SLC38A6: variants seen among roughly 807,000 people sequenced by gnomAD.
SLC38A6 encodes N system amino acid transporter NAT-1.
A neutral mutation model predicts 65.0 loss-of-function variants in SLC38A6; 73 were observed. The observed-to-expected ratio is 1.12, with a 90% CI of 0.93 to 1.37. The LOEUF is 1.37. Among genes scored for constraint, SLC38A6 ranks in the 40% most tolerant of loss-of-function variants. The probability of loss-of-function intolerance (pLI) is 0.00; values close to 1 mark genes in which losing one functional copy is unlikely to be tolerated. For missense variants in SLC38A6, 561 were observed against 531.1 expected (o/e 1.06, Z -0.55); for synonymous variants, 183 against 178.8 (o/e 1.02, Z -0.19).
chr14:61,051,506 T>G (rs1346889704), intron 13 of SLC38A6, among the ~76,000 whole-genome samples: 2 of 152,150 alleles, frequency 1.3e-5, no homozygotes, highest in Non-Finnish European at 2.9e-5. Context: ...TTTCATATTT[T>G]TATTGTTGGT....
chr14:61,067,097 A>C (rs1594781615), intron 15 of SLC38A6, among the ~76,000 whole-genome samples: 1 of 152,228 alleles, frequency 6.6e-6, no homozygotes, highest in Non-Finnish European at 1.5e-5. Flanking sequence ...ATGTATTTTT[A>C]ATATATACAT....
At chr14:60,993,493 A>C (rs146475607) in intron 3 of SLC38A6, among the ~76,000 whole-genome samples, 8 of 152,190 alleles carry the variant, frequency 5.3e-5, no homozygotes, top group African/African-American at 1.7e-4. Context: ...ACCTTACTGA[A>C]AACAGGGAGA....
chr14:60,994,704 CAA>C (rs113876678), intron 3 of SLC38A6, among the ~76,000 whole-genome samples: 23 of 93,020 alleles, frequency 2.5e-4, no homozygotes, highest in South Asian at 3.4e-4. Flanking sequence ...AACCTCGTCT[CAA>C]AAAAAAAAAA....
chr14:61,069,790 A>G (rs897096290), intron 15 of SLC38A6, among the ~76,000 whole-genome samples: 4 of 152,110 alleles, frequency 2.6e-5, no homozygotes, highest in Admixed American at 2.0e-4. Context: ...CATGGTACAG[A>G]TTTTAAATTT....
At chr14:60,992,867 T>TTTTG (rs2038013091) in intron 3 of SLC38A6, among the ~76,000 whole-genome samples, 1 of 151,308 alleles carries the variant, frequency 6.6e-6, no homozygotes, top group Non-Finnish European at 1.5e-5. Context: ...TTTTTTTTTT[T>TTTTG]GAGGCAGTCT....
chr14:61,054,030 C>T (rs543592685), downstream of SLC38A6, among the ~76,000 whole-genome samples: 1 of 152,078 alleles, frequency 6.6e-6, no homozygotes, highest in East Asian at 1.9e-4. Context: ...GTCTTTAATC[C>T]ATCTTGAGTT....
intron 3 of SLC38A6, among the ~76,000 whole-genome samples, chr14:60,998,399 G>A (rs542497408): frequency 5.3e-5 from 8 of 152,076 alleles, no homozygotes; most frequent in Non-Finnish European, 7.4e-5. Context: ...GTGTTTGAAC[G>A]TCAAGGAGAG....
In SLC38A6 at chr14:61,050,546, TA is replaced by T. The variant is rs1566710847; in HGVS notation, c.963del (p.Lys321AsnfsTer10). On this transcript the variant is annotated frameshift_variant, in exon 13 of 16. Transcript: ENST00000267488. LOFTEE classifies it high-confidence loss of function. ...AGTCAGAATTACTAAAAGGTTATAG[TA>T]AATACTTATCACATGATGTTGTTGT... ...VESELLKGYS[K>X]YLSHDVVVMT... The T allele has an allele frequency of 6.3e-7, 1 of 1,580,158 alleles. No homozygotes were observed. The highest frequency in any genetic ancestry group is 8.7e-7 in the Non-Finnish European group (1 of 1,155,094).
chr14:61,009,807 G>A (rs2039419949), intron 3 of SLC38A6, among the ~76,000 whole-genome samples: 1 of 152,222 alleles, frequency 6.6e-6, no homozygotes, highest in Non-Finnish European at 1.5e-5. Flanking sequence ...TTGGTTCCAA[G>A]TCTTTGCTAT....
intron 12 of SLC38A6, among the ~76,000 whole-genome samples, chr14:61,046,994 A>G (rs2042189659): frequency 1.3e-5 from 2 of 152,182 alleles, no homozygotes; most frequent in Non-Finnish European, 2.9e-5. Flanking sequence ...TAGTTTTTAT[A>G]CAGACTTGAA....
In SLC38A6 at chr14:60,984,799, G is replaced by T. The variant is rs2139675290; in HGVS notation, c.306G>T (p.Gln102His). Residue 102 changes from glutamine to histidine, a missense_variant, in exon 3 of 16, where the codon CAG becomes CAT. Gln to His is a conservative substitution (Grantham distance 24). Transcript: ENST00000267488. ...SVHLLLSMCIQTAVTSYEDLG... is the reference protein window; with the variant it reads ...SVHLLLSMCIHTAVTSYEDLG... Reference sequence around the variant, plus strand: ...ATCTTCTGCTTAGTATGTGTATTCAGACAGGTGAGTAAAAATGTTATGCTG... The same window carrying T: ...ATCTTCTGCTTAGTATGTGTATTCATACAGGTGAGTAAAAATGTTATGCTG... 1 of 1,613,504 alleles carries T rather than the reference G, an allele frequency of 6.2e-7. No individual in the cohort carries two copies. The highest frequency in any genetic ancestry group is 8.5e-7 in the Non-Finnish European group (1 of 1,179,590).
chr14:61,039,116 G>A (rs1427511854), intron 8 of SLC38A6, among the ~76,000 whole-genome samples: 2 of 152,096 alleles, frequency 1.3e-5, no homozygotes, highest in Non-Finnish European at 2.9e-5. Flanking sequence ...GCTTAAAGCA[G>A]GTTAAATGTA....
chr14:61,067,264 C>G (rs1566728173), intron 15 of SLC38A6, among the ~76,000 whole-genome samples: 1 of 152,110 alleles, frequency 6.6e-6, no homozygotes, highest in African/African-American at 2.4e-5. Context: ...AGAGGAAACT[C>G]TCCTTCAAGT....
intron 8 of SLC38A6, among the ~76,000 whole-genome samples, chr14:61,038,210 TG>T (rs1162389353): frequency 6.6e-6 from 1 of 152,078 alleles, no homozygotes; most frequent in African/African-American, 2.4e-5. Context: ...TCTTCACATG[TG>T]GGATATATTC....
At chr14:60,991,325 A>G (rs1187623005) in intron 3 of SLC38A6, among the ~76,000 whole-genome samples, 3 of 152,182 alleles carry the variant, frequency 2.0e-5, no homozygotes, top group Non-Finnish European at 4.4e-5. Context: ...CTTATGTAAC[A>G]TATACTTATA....
intron 15 of SLC38A6, among the ~76,000 whole-genome samples, chr14:61,071,928 G>A (rs535130794): frequency 2.0e-5 from 3 of 152,248 alleles, no homozygotes; most frequent in Non-Finnish European, 2.9e-5. Flanking sequence ...CATGAGTGGC[G>A]TTTCTGATGA....
intron 15 of SLC38A6, among the ~76,000 whole-genome samples, chr14:61,076,647 T>TA (rs1267678512): frequency 6.6e-6 from 1 of 152,240 alleles, no homozygotes; most frequent in Admixed American, 6.5e-5. Context: ...AGCAGATACA[T>TA]AGTCAATATT....
In SLC38A6 at chr14:61,037,140, A is replaced by G. The variant is rs989399093; in HGVS notation, c.564A>G (p.Ile188Met). Residue 188 changes from isoleucine to methionine, a missense_variant and splice_region_variant, in exon 7 of 16, where the codon ATA becomes ATG. Physicochemically the swap from Ile to Met is conservative, Grantham distance 10 (BLOSUM62 1). Transcript: ENST00000267488. ...IVFPLALLPK[I>M]GFLGYTSSLS... ...TCCCTCTTGCACTTCTTCCCAAAAT[A>G]GGTAAGTCTTTATAGAGCACATTAT... 1.9e-6 allele frequency: 3 copies of G among 1,594,518 alleles called. No individual in the cohort carries two copies. The highest frequency in any genetic ancestry group is 1.7e-5 in the Admixed American group (1 of 58,746).
chr14:61,071,562 G>C (rs529911506), intron 15 of SLC38A6, among the ~76,000 whole-genome samples: 1 of 152,052 alleles, frequency 6.6e-6, no homozygotes, highest in South Asian at 2.1e-4. Context: ...TGTGGCCATA[G>C]TCCGAGCTAC....
Sources: allele counts gnomAD v4.1 joint callset (sites outside exome capture counted in the v4.1 genomes callset), GRCh38; gene constraint gnomAD v4.1.1; transcripts MANE v1.5; gene names NCBI Gene and HGNC (gene_info 2026-07-23, HGNC 2026-07-21).